The following GPAM variants were observed in gnomAD, a reference collection of about 807,000 sequenced individuals.
The protein encoded by GPAM is glycerol-3-phosphate acyltransferase 1, mitochondrial.
Under a neutral mutation model 105.0 loss-of-function variants are expected in GPAM, and 56 were observed. The observed-to-expected ratio is 0.53, with a 90% confidence interval of 0.43 to 0.67. GPAM has a LOEUF of 0.67. Among genes scored for constraint, GPAM ranks in the 30% least tolerant of loss-of-function variants. The pLI, the probability that GPAM is intolerant of heterozygous loss-of-function variation, is 0.00. For synonymous variants in GPAM, 368 were observed against 354.4 expected (o/e 1.04, Z -0.43); for missense variants, 855 against 989.8 (o/e 0.86, Z 1.83).
chr10:112,216,709 T>C (rs1225236287), upstream of GPAM, among the ~76,000 whole-genome samples: 1 of 152,024 alleles, frequency 6.6e-6, no homozygotes, highest in South Asian at 2.1e-4. Flanking sequence ...CTGCAGCCTC[T>C]GCCTCCTAGG....
chr10:112,156,545 G>A (rs758619764), intron 19 of GPAM: 16 of 181,284 alleles, frequency 8.8e-5, no homozygotes, highest in Non-Finnish European at 1.5e-4. Context: ...GATGGCCACT[G>A]TGACGGCGGT....
chr10:112,151,893 GCTA>G lies in GPAM; in HGVS notation c.*1654_*1656del. 1 of 979,422 alleles carries G rather than the reference GCTA, an allele frequency of 1.0e-6. No individual in the cohort carries two copies. The highest frequency in any genetic ancestry group is 1.1e-4 in the East Asian group (1 of 8,776). 60.7% of individuals were successfully genotyped at this position (979,422 alleles called of 1,614,324 possible). A position where few individuals can be genotyped will look rare whatever the true frequency, so the allele number is the denominator to read the frequency against. ...ACATGATATCTCATTCAACATCAGA[GCTA>G]CTACAACTGACAATGACTTCATGGT... On this transcript the variant is annotated 3_prime_UTR_variant, in exon 22 of 22. Coordinates refer to ENST00000348367, the MANE Select transcript of GPAM (RefSeq NM_001244949.2).
chr10:112,155,623 G>T, intron 20 of GPAM: 1 of 423,504 alleles, frequency 2.4e-6, no homozygotes, highest in Non-Finnish European at 4.3e-6. Flanking sequence ...CAAGAACAAA[G>T]GAACAACTAT....
rs764284708 is a variant in GPAM, at chr10:112,164,625, ACAACATGAT to A, written c.1222-24_1222-16del. On this transcript the variant is annotated splice_polypyrimidine_tract_variant and intron_variant, in intron 12 of 21. Transcript: ENST00000348367. ...TCTAAATATTCCTGGAGAAAAAAAC[ACAACATGAT>A]CATTTACCCTCACTTTCGCACCAAC... The A allele has an allele frequency of 4.3e-6, 6 of 1,402,210 alleles. No individual in the cohort carries two copies. Among genetic ancestry groups the A allele is most frequent in the Admixed American group, 1.7e-5 (1 of 59,742 alleles). The allele number at this position is 1,402,210 out of a possible 1,614,324, so 86.9% of individuals were successfully genotyped here.
the GPAM span, among the ~76,000 whole-genome samples, chr10:112,222,272 A>G: frequency 6.6e-6 from 1 of 152,230 alleles, no homozygotes; most frequent in Non-Finnish European, 1.5e-5. Context: ...CTTTACAAAT[A>G]TATGGTTGCT....
upstream of GPAM, among the ~76,000 whole-genome samples, chr10:112,186,020 A>G (rs930262676): frequency 1.1e-4 from 17 of 152,258 alleles, no homozygotes; most frequent in African/African-American, 4.1e-4. Context: ...CTATAAACTT[A>G]TAAACCCAAA....
At chr10:112,164,078 T>C (rs545665806) in intron 13 of GPAM, among the ~76,000 whole-genome samples, 6 of 152,338 alleles carry the variant, frequency 3.9e-5, no homozygotes, top group African/African-American at 1.4e-4. Flanking sequence ...TAATTCAAGA[T>C]GCCTTATTTT....
Position 112,212,484 on chromosome 10 carries a change from C to T in GPAM, n.210+2684G>A, listed in dbSNP as rs189053521. Among the ~76,000 whole-genome samples the T allele has an allele frequency of 3.9e-5, 6 of 152,246 alleles. No homozygotes were observed. In the East Asian group the frequency reaches 5.8e-4, roughly 15 times the overall value. On this transcript the variant is annotated intron_variant and non_coding_transcript_variant, in intron 1 of 3. Coordinates refer to the GPAM transcript ENST00000480130. ...TTCACCATGTTAGCCAGGATTGTCT[C>T]GATCTCCTGACCTCATGATCCGCCC...
intron 8 of GPAM, among the ~76,000 whole-genome samples, chr10:112,172,698 T>C (rs1334355530): frequency 3.3e-5 from 5 of 152,192 alleles, no homozygotes; most frequent in African/African-American, 4.8e-5. Context: ...TGTGTCTCTA[T>C]TGCTTCATCT....
At position 112,173,758 on chromosome 10, in the gene GPAM, T is replaced by G. The variant is rs1277269750; in HGVS notation, c.501A>C (p.Lys167Asn). The change falls in exon 7 of 22, where the codon AAA becomes AAC. Residue 167 changes from lysine to asparagine, a missense_variant. Lys to Asn is a moderately conservative substitution (Grantham distance 94). Transcript: ENST00000348367. ...QQQSKAVNKV[K>N]KKAKRILQEM... ...CTTGAAGAATCCTTTTAGCTTTCTT[T>G]TTCACTTTGTTAACGGCTTTTGATT... 23 of 1,613,828 alleles carry G rather than the reference T, an allele frequency of 1.4e-5. No homozygotes were observed. The highest frequency in any genetic ancestry group is 1.7e-5 in the Non-Finnish European group (20 of 1,179,840).
chr10:112,177,847 A>G, intron 5 of GPAM, 137 bp downstream of exon 5: 1 of 614,826 alleles, frequency 1.6e-6, no homozygotes, highest in Non-Finnish European at 3.0e-6. Context: ...CAATTTTCAG[A>G]TAATCTCTCT....
chr10:112,153,721 T>G, intron 21 of GPAM, 55 bp from the exon 22 acceptor site: 2 of 1,586,472 alleles, frequency 1.3e-6, no homozygotes, highest in Non-Finnish European at 8.6e-7. Flanking sequence ...TAAAAAAAAT[T>G]TCCATTACCA....
chr10:112,183,894 T>A (rs1004882124), upstream of GPAM: 3 of 152,146 alleles, frequency 2.0e-5, no homozygotes, highest in Non-Finnish European at 4.4e-5. Flanking sequence ...TGTACTCGAG[T>A]GTGCGTGCCT....
At position 112,160,832 on chromosome 10, in the gene GPAM, C is replaced by A. The variant is rs772930204; in HGVS notation, c.1531G>T (p.Val511Leu). The A allele has an allele frequency of 6.2e-7, 1 of 1,613,630 alleles. No homozygotes were observed. Among genetic ancestry groups the A allele is most frequent in the East Asian group, 2.2e-5 (1 of 44,876 alleles). Residue 511 changes from valine to leucine, a missense_variant, in exon 16 of 22, where the codon GTG (valine) becomes TTG (leucine). Coordinates refer to ENST00000348367, the MANE Select transcript of GPAM (RefSeq NM_001244949.2). ...DLSTLVEDFF[V>L]MKEEVLARDF... ...CGAGCCAGGACTTCCTCTTTCATCA[C>A]AAAGAAGTCTTCGACCAATGTGGAG...
rs923846377 is a variant in GPAM at position 112,152,456 on chromosome 10, C to T, written c.*1094G>A. ...CTAAAAATCCATAAATGCCTCTAAC[C>T]ATTACCAGTCAGTAGGGCCACCACA... On this transcript the variant is annotated 3_prime_UTR_variant, in exon 22 of 22. Coordinates refer to ENST00000348367, the MANE Select transcript of GPAM (RefSeq NM_001244949.2). 5 of 985,222 alleles carry T rather than the reference C, an allele frequency of 5.1e-6. No individual in the cohort carries two copies. The highest frequency in any genetic ancestry group is 4.8e-6 in the Non-Finnish European group (4 of 829,922). The allele number at this position is 985,222 out of a possible 1,614,324, so 61.0% of individuals were successfully genotyped here.
At chr10:112,160,962 C>T in intron 15 of GPAM, 94 bp from the exon 16 acceptor site, 2 of 1,095,752 alleles carry the variant, frequency 1.8e-6, no homozygotes, top group Non-Finnish European at 2.7e-6. Flanking sequence ...CTTGCCTTGG[C>T]TTTCCTGCAG....
upstream of GPAM, among the ~76,000 whole-genome samples, chr10:112,219,554 C>A (rs1848000404): frequency 6.6e-6 from 1 of 152,164 alleles, no homozygotes; most frequent in Non-Finnish European, 1.5e-5. Flanking sequence ...CAGATTGACT[C>A]CAAAATCCAT....
chr10:112,186,742 G>A (rs538857276), upstream of GPAM, among the ~76,000 whole-genome samples: 513 of 152,112 alleles, frequency 3.4e-3, 2 homozygotes, highest in African/African-American at 0.012. Context: ...GTAGAGTTGG[G>A]GTTTCACCAT....
At position 112,175,666 on chromosome 10, in the gene GPAM, T is replaced by G; in HGVS notation, c.347A>C (p.Gln116Pro). 1 of 1,613,572 alleles carries G rather than the reference T, an allele frequency of 6.2e-7. No individual in the cohort carries two copies. Among genetic ancestry groups the G allele is most frequent in the Non-Finnish European group, 8.5e-7 (1 of 1,179,518 alleles). ...ARRLSYVLFIQERDVHKGMFA... is the reference protein window; with the variant it reads ...ARRLSYVLFIPERDVHKGMFA... Reference sequence around the variant, plus strand: ...CATGCCCTTATGCACATCTCGCTCTTGAATAAAAAGAACGTAAGAAAGGCG... The same window carrying G: ...CATGCCCTTATGCACATCTCGCTCTGGAATAAAAAGAACGTAAGAAAGGCG... Residue 116 changes from glutamine to proline, a missense_variant, in exon 6 of 22, where the codon CAA (glutamine) becomes CCA (proline). By Grantham distance (76) the Gln-to-Pro change is moderately conservative. Coordinates refer to ENST00000348367, the MANE Select transcript of GPAM (RefSeq NM_001244949.2).
Sources: gnomAD v4.1 joint callset for allele counts (sites outside exome capture counted in the v4.1 genomes callset) on GRCh38, gnomAD v4.1.1 for gene constraint, MANE v1.5 for transcripts, NCBI Gene and HGNC (gene_info 2026-07-23, HGNC 2026-07-21) for gene names.